The following DAG1 variants were observed in gnomAD, a reference collection of about 807,000 sequenced individuals.
The protein encoded by DAG1 is dystroglycan 1, also known as dystroglycan 1 (dystrophin-associated glycoprotein 1).
A neutral mutation model predicts 46.1 loss-of-function variants in DAG1; 8 were observed. That is an observed-to-expected ratio of 0.17 (90% CI 0.10 to 0.31). DAG1 has a LOEUF of 0.31. DAG1 is among the 10% of genes least tolerant of loss of function. The pLI is 1.00. For missense variants in DAG1, 1,003 were observed against 1,189.9 expected, an observed-to-expected ratio of 0.84 and a Z score of 2.31; for synonymous variants, 495 against 481.8, an observed-to-expected ratio of 1.03 and a Z score of -0.36.
intron 2 of DAG1, among the ~76,000 whole-genome samples, chr3:49,527,512 ACT>A (rs1238762419): frequency 7.3e-6 from 1 of 137,512 alleles, no homozygotes; most frequent in African/African-American, 2.8e-5. Flanking sequence ...AAAGAGCGAG[ACT>A]CTGTCTCAAA....
intron 1 of DAG1, among the ~76,000 whole-genome samples, chr3:49,472,993 C>T (rs552454890): frequency 2.9e-4 from 44 of 151,938 alleles, no homozygotes; most frequent in East Asian, 1.5e-3. Flanking sequence ...TGGTGGCGGG[C>T]GCCTTTAATC....
chr3:49,518,231 G>A (rs1048472120), intron 2 of DAG1, among the ~76,000 whole-genome samples: 1 of 152,202 alleles, frequency 6.6e-6, no homozygotes, highest in African/African-American at 2.4e-5. Context: ...CCCAAGACCT[G>A]GTGAGATTAG....
chr3:49,483,645 C>G (rs1250255931), intron 1 of DAG1, among the ~76,000 whole-genome samples: 1 of 151,900 alleles, frequency 6.6e-6, no homozygotes, highest in Non-Finnish European at 1.5e-5. Flanking sequence ...TAAGTTCTAC[C>G]TCTTATGTGA....
At chr3:49,485,396 C>G (rs2049998100) in intron 1 of DAG1, among the ~76,000 whole-genome samples, 1 of 152,120 alleles carries the variant, frequency 6.6e-6, no homozygotes, top group Non-Finnish European at 1.5e-5. Flanking sequence ...TGTAATGACC[C>G]TGAAACCGTG....
chr3:49,494,641 T>A (rs146987264), intron 1 of DAG1, among the ~76,000 whole-genome samples: 2,238 of 151,610 alleles, frequency 0.015, 46 homozygotes, highest in African/African-American at 0.047. Flanking sequence ...TATTATTATT[T>A]TTTTTTTTTT....
At position 49,512,197 on chromosome 3, in the gene DAG1, A is replaced by AATTT. The variant is rs1162422743; in HGVS notation, c.285+1395_285+1398dup. Among the ~76,000 whole-genome samples, 10 of 151,548 alleles carry AATTT rather than the reference A, an allele frequency of 6.6e-5. No individual in the cohort carries two copies. The South Asian group carries it at 1.9e-3, about 28-fold the overall frequency. ...CAGGTGTGCACCACCACACCCAGCT[A>AATTT]ATTTATTTATTTATTTATTTTTGAG... On this transcript the variant is annotated intron_variant, in intron 2 of 2. Transcript: ENST00000308775.
At chr3:49,518,938 T>G (rs541599005) in intron 2 of DAG1, among the ~76,000 whole-genome samples, 7 of 152,350 alleles carry the variant, frequency 4.6e-5, no homozygotes, top group Admixed American at 2.0e-4. Context: ...TGGATGCCTG[T>G]ATACAAAGCT....
rs772237142 is a variant in DAG1 at position 49,532,170 on chromosome 3, G to A, written c.1659G>A (p.Gln553=). Residue 553 remains glutamine (Q), a synonymous_variant, in exon 3 of 3, where the codon CAG becomes CAA. Transcript: ENST00000308775. This position sits in a 1 kb window ranked among gnomAD's most constrained non-coding sequence, Gnocchi z 5.4. ...TGGTGGGCGAGAAGTCCTGGGTACA[G>A]TTCAACAGCAACAGCCAGCTCATGT... ...QQLVGEKSWV[Q]FNSNSQLMYG... 2 of 1,614,226 alleles carry A rather than the reference G, an allele frequency of 1.2e-6. No individual in the cohort carries two copies. The highest frequency in any genetic ancestry group is 8.5e-7 in the Non-Finnish European group (1 of 1,180,044).
At chr3:49,486,839 TAC>T (rs1043200601) in intron 1 of DAG1, among the ~76,000 whole-genome samples, 6 of 152,182 alleles carry the variant, frequency 3.9e-5, no homozygotes, top group Non-Finnish European at 7.3e-5. Context: ...TCTGGGTATA[TAC>T]CTAAGAGTGA....
At chr3:49,478,770 A>T (rs2106939612) in intron 1 of DAG1, among the ~76,000 whole-genome samples, 1 of 150,108 alleles carries the variant, frequency 6.7e-6, no homozygotes, top group Non-Finnish European at 1.5e-5. Context: ...CTCAAAAAAT[A>T]AAAAAATGAA....
chr3:49,512,606 G>A (rs2050792456), intron 2 of DAG1, among the ~76,000 whole-genome samples: 1 of 151,350 alleles, frequency 6.6e-6, no homozygotes, highest in East Asian at 2.0e-4. Flanking sequence ...TGGCCAGGCT[G>A]GTCTCAAACT....
At position 49,510,550 on chromosome 3, in the gene DAG1, G is replaced by A; in HGVS notation, c.16G>A (p.Gly6Ser). The change falls in exon 2 of 3, where the codon GGC becomes AGC. Residue 6 changes from glycine to serine, a missense_variant. Physicochemically the swap from Gly to Ser is moderately conservative, Grantham distance 56. Coordinates refer to ENST00000308775, the MANE Select transcript of DAG1 (RefSeq NM_004393.6). MRMSVGLSLLLPLSGR... is the reference protein window; with the variant it reads MRMSVSLSLLLPLSGR... ...TGGACCTGGGATGAGGATGTCTGTGGGCCTCTCGCTGCTGCTGCCCCTCTC... is the reference window on the plus strand; with the variant it reads ...TGGACCTGGGATGAGGATGTCTGTGAGCCTCTCGCTGCTGCTGCCCCTCTC... 6.2e-7 allele frequency: 1 copy of A among 1,613,348 alleles called. No homozygotes were observed. The highest frequency in any genetic ancestry group is 8.5e-7 in the Non-Finnish European group (1 of 1,179,960).
chr3:49,506,452 C>G (rs1248778823), intron 1 of DAG1, among the ~76,000 whole-genome samples: 1 of 152,200 alleles, frequency 6.6e-6, no homozygotes, highest in Non-Finnish European at 1.5e-5. Flanking sequence ...TGCTCTTTAT[C>G]AAGTTGAAGA....
intron 1 of DAG1, among the ~76,000 whole-genome samples, chr3:49,502,738 A>T (rs2050490506): frequency 6.8e-6 from 1 of 147,970 alleles, no homozygotes. Context: ...TCCCGGGTTC[A>T]CGCCATTCTC....
chr3:49,474,198 G>A (rs1391020618), intron 1 of DAG1, among the ~76,000 whole-genome samples: 1 of 152,020 alleles, frequency 6.6e-6, no homozygotes, highest in Non-Finnish European at 1.5e-5. Context: ...GGGACTACAG[G>A]CGCATGCCAC....
chr3:49,504,267 C>CTT (rs58084023), intron 1 of DAG1, among the ~76,000 whole-genome samples: 15 of 148,254 alleles, frequency 1.0e-4, no homozygotes, highest in East Asian at 3.9e-4. Flanking sequence ...TTGGGGTTGG[C>CTT]TTTTTTTTTT....
In DAG1 at chr3:49,533,743, A is replaced by G. The variant is rs767966815; in HGVS notation, c.*544A>G. On this transcript the variant is annotated 3_prime_UTR_variant, in exon 3 of 3. Transcript: ENST00000308775. ...TTGTATGTATAATTTTTGGGTGGGTATGGGGAATTGCTTTGCTAAAAATAA... is the reference window on the plus strand; with the variant it reads ...TTGTATGTATAATTTTTGGGTGGGTGTGGGGAATTGCTTTGCTAAAAATAA... The G allele has an allele frequency of 1.1e-4, 27 of 254,640 alleles. No homozygotes were observed. In the Middle Eastern group the frequency reaches 4.5e-3, roughly 42 times the overall value. The allele number at this position is 254,640 out of a possible 1,614,324, so 15.8% of individuals were successfully genotyped here.
At chr3:49,490,091 C>T (rs533824413) in intron 1 of DAG1, among the ~76,000 whole-genome samples, 3 of 152,254 alleles carry the variant, frequency 2.0e-5, no homozygotes, top group East Asian at 1.9e-4. Flanking sequence ...CGGTGGCTTA[C>T]GCCTGTAATC....
intron 1 of DAG1, among the ~76,000 whole-genome samples, chr3:49,497,683 A>G (rs911947643): frequency 7.9e-5 from 12 of 152,142 alleles, no homozygotes; most frequent in Non-Finnish European, 1.6e-4. Flanking sequence ...AAACTTAACC[A>G]TCTTCAAAGT....
Sources: allele counts gnomAD v4.1 joint callset (sites outside exome capture counted in the v4.1 genomes callset), GRCh38; gene constraint gnomAD v4.1.1; non-coding constraint Gnocchi (gnomAD v3.1); transcripts MANE v1.5; gene names NCBI Gene and HGNC (gene_info 2026-07-23, HGNC 2026-07-21).